The following PAK3 variants were observed in gnomAD, a reference collection of about 807,000 sequenced individuals.
PAK3 encodes p21 (RAC1) activated kinase 3.
PAK3 carries 4 observed loss-of-function variants against 41.0 expected under a neutral mutation model. The observed-to-expected ratio is 0.10, with a 90% confidence interval of 0.05 to 0.22. The LOEUF is 0.22. Ranked by LOEUF, PAK3 falls within the 10% of genes least tolerant of loss-of-function variation. The probability of loss-of-function intolerance (pLI) is 1.00; values close to 1 mark genes in which losing one functional copy is unlikely to be tolerated. For missense variants in PAK3, 205 were observed against 409.9 expected (o/e 0.50, Z 4.32); for synonymous variants, 146 against 139.6 (o/e 1.05, Z -0.32).
intron 1 of PAK3, among the ~76,000 whole-genome samples, chrX:111,083,617 T>G (rs1244489484): frequency 2.7e-5 from 3 of 112,331 alleles, no homozygotes; most frequent in Non-Finnish European, 5.6e-5. Flanking sequence ...GCTCTAAACA[T>G]TCGAACTGAT....
intron 1 of PAK3, among the ~76,000 whole-genome samples, chrX:110,979,296 CTTTTTTT>C (rs869275249): frequency 7.7e-4 from 7 of 9,053 alleles, no homozygotes; most frequent in African/African-American, 1.2e-3. Context: ...TATTACTTTT[CTTTTTTT>C]TTTTTTTTTT....
intron 10 of PAK3, among the ~76,000 whole-genome samples, chrX:111,170,663 G>C (rs1310743763): frequency 9.0e-6 from 1 of 111,511 alleles, no homozygotes; most frequent in Non-Finnish European, 1.9e-5. Flanking sequence ...GAAGCAGCAT[G>C]TAAGTCTCAG....
intron 1 of PAK3, among the ~76,000 whole-genome samples, chrX:111,055,380 C>G (rs1018061100): frequency 7.1e-5 from 8 of 112,185 alleles, no homozygotes; most frequent in African/African-American, 2.6e-4. Context: ...TAGGCAATAC[C>G]AGTCCTTGCA....
At chrX:111,037,273 A>G (rs935163435) in intron 1 of PAK3, among the ~76,000 whole-genome samples, 1 of 111,852 alleles carries the variant, frequency 8.9e-6, no homozygotes, top group African/African-American at 3.3e-5. Context: ...TAACAAATTT[A>G]TAAGCTCTTT....
chrX:110,953,792 T>A (rs959074231), intron 1 of PAK3, among the ~76,000 whole-genome samples: 2 of 111,968 alleles, frequency 1.8e-5, no homozygotes, highest in South Asian at 3.8e-4. Flanking sequence ...GAGAGCACAG[T>A]GTTCTTCTTA....
intron 1 of PAK3, among the ~76,000 whole-genome samples, chrX:111,067,192 C>T (rs1458730282): frequency 9.0e-6 from 1 of 111,724 alleles, no homozygotes; most frequent in Non-Finnish European, 1.9e-5. Flanking sequence ...GTTAGGACAT[C>T]ACCATGTTGA....
chrX:111,050,442 G>A (rs1474288514), intron 1 of PAK3, among the ~76,000 whole-genome samples: 1 of 112,323 alleles, frequency 8.9e-6, no homozygotes, highest in African/African-American at 3.2e-5. Context: ...AATACCAGAA[G>A]CGATGCTGTC....
intron 4 of PAK3, among the ~76,000 whole-genome samples, chrX:111,117,108 A>G (rs1384914378): frequency 8.9e-6 from 1 of 112,103 alleles, no homozygotes; most frequent in Admixed American, 9.5e-5. Context: ...CAACTGGCCA[A>G]CGAAACTTGT....
At position 111,220,504 on chromosome X, in the gene PAK3, T is replaced by C. The variant is rs990448789; in HGVS notation, c.*57T>C. 5 of 781,674 alleles carry C rather than the reference T, an allele frequency of 6.4e-6. No individual in the cohort carries two copies. In the African/African-American group the frequency reaches 8.3e-5, roughly 13 times the overall value. 64.4% of individuals were successfully genotyped at this position (781,674 alleles called of 1,213,427 possible). A position where few individuals can be genotyped will look rare whatever the true frequency, so the allele number is the denominator to read the frequency against. Reference sequence around the variant, plus strand: ...CATGAGTAAGACTGAAATAAAACTCTGCTGCAGGAAAGATGGAAGAAAAGA... The same window carrying C: ...CATGAGTAAGACTGAAATAAAACTCCGCTGCAGGAAAGATGGAAGAAAAGA... On this transcript the variant is annotated 3_prime_UTR_variant, in exon 18 of 18. Coordinates refer to ENST00000372007, the MANE Select transcript of PAK3 (RefSeq NM_002578.5).
intron 1 of PAK3, among the ~76,000 whole-genome samples, chrX:111,043,752 G>T (rs1351428572): frequency 8.9e-6 from 1 of 111,794 alleles, no homozygotes; most frequent in African/African-American, 3.3e-5. Flanking sequence ...TTCATATGTG[G>T]TTTACCCTTA....
chrX:111,009,063 T>C (rs2091973859), intron 1 of PAK3, among the ~76,000 whole-genome samples: 1 of 111,178 alleles, frequency 9.0e-6, no homozygotes, highest in Non-Finnish European at 1.9e-5. Flanking sequence ...ACAGAAAATT[T>C]ATCATTTTAA....
At chrX:111,094,908 T>G (rs1433469623), upstream of PAK3, among the ~76,000 whole-genome samples, 1 of 110,457 alleles carries the variant, frequency 9.1e-6, no homozygotes, top group Non-Finnish European at 1.9e-5. Flanking sequence ...AGACTGGTCT[T>G]GAACTCCTGA....
In PAK3 at chrX:111,038,291, G is replaced by A. The variant is rs941699819; in HGVS notation, c.-27-84786G>A. ...GTGAAGTCCCAACAAATAGATTCAC[G>A]TTCAAATTCTATTATCACCCTGTGA... On this transcript the variant is annotated intron_variant, in intron 1 of 14. Coordinates refer to the PAK3 transcript ENST00000425146. 5.4e-5 allele frequency among the ~76,000 whole-genome samples: 6 copies of A among 112,124 alleles called. No homozygotes were observed. The East Asian group carries it at 1.4e-3, about 26-fold the overall frequency.
At chrX:111,182,858 T>C (rs16986411) in intron 11 of PAK3, among the ~76,000 whole-genome samples, 7,453 of 111,343 alleles carry the variant, frequency 0.067, 635 homozygotes, top group African/African-American at 0.23. Flanking sequence ...TCAATCTTAA[T>C]TGAGTCGGCA....
intron 1 of PAK3, among the ~76,000 whole-genome samples, chrX:111,061,453 G>C (rs915696031): frequency 1.8e-5 from 2 of 111,623 alleles, no homozygotes; most frequent in Non-Finnish European, 3.8e-5. Context: ...AAATTGTCTT[G>C]GCTATTCTTG....
At chrX:111,053,095 A>C (rs1183548981) in intron 1 of PAK3, among the ~76,000 whole-genome samples, 1 of 112,007 alleles carries the variant, frequency 8.9e-6, no homozygotes, top group East Asian at 2.8e-4. Flanking sequence ...CCTCCTGTGT[A>C]ACTGAGGTAA....
intron 5 of PAK3, among the ~76,000 whole-genome samples, chrX:111,129,253 G>A (rs1213518756): frequency 9.0e-6 from 1 of 111,601 alleles, no homozygotes; most frequent in African/African-American, 3.3e-5. Flanking sequence ...GGATCTTGCA[G>A]TAGCTCAAAG....
In PAK3 at chrX:111,192,568, T is replaced by C; in HGVS notation, c.942T>C (p.Ile314=). Residue 314 remains isoleucine (I), a synonymous_variant, in exon 13 of 18, where the codon ATT becomes ATC. Coordinates refer to ENST00000372007, the MANE Select transcript of PAK3 (RefSeq NM_002578.5). The stretch of plus-strand genomic sequence containing the variant: ...AGAAGGAATTAATTATTAATGAAAT[T>C]CTGGTCATGAGGGAAAATAAGAACC... ...QPKKELIINE[I]LVMRENKNPN... 3 of 1,155,446 alleles carry C rather than the reference T, an allele frequency of 2.6e-6. No individual in the cohort carries two copies. The highest frequency in any genetic ancestry group is 3.6e-6 in the Non-Finnish European group (3 of 844,553).
chrX:111,162,777 G>A, intron 8 of PAK3, 138 bp from the exon 9 acceptor site: 2 of 595,847 alleles, frequency 3.4e-6, no homozygotes, highest in Non-Finnish European at 5.8e-6. Flanking sequence ...CCAAATTGTT[G>A]ATGATTCTGA....
Sources: gnomAD v4.1 joint callset for allele counts (sites outside exome capture counted in the v4.1 genomes callset) on GRCh38, gnomAD v4.1.1 for gene constraint, MANE v1.5 for transcripts, NCBI Gene and HGNC (gene_info 2026-07-23, HGNC 2026-07-21) for gene names.